SHANK2: variants seen among roughly 807,000 people sequenced by gnomAD.
SHANK2 encodes SH3 and multiple ankyrin repeat domains 2.
Under a neutral mutation model 133.7 loss-of-function variants are expected in SHANK2, and 43 were observed. That is an observed-to-expected ratio of 0.32 (90% CI 0.25 to 0.41). The LOEUF (loss-of-function observed/expected upper bound fraction) is 0.41. SHANK2 is among the 10% of genes least tolerant of loss of function. SHANK2 has a pLI of 1.00. For synonymous variants in SHANK2, 1,017 were observed against 952.8 expected (o/e 1.07, Z -1.24); for missense variants, 1,994 against 2,235.8 (o/e 0.89, Z 2.18).
At position 71,231,070 on chromosome 11, in the gene SHANK2, T is replaced by A. The variant is rs374926845; in HGVS notation, c.-112-6274A>T. Among the ~76,000 whole-genome samples the A allele has an allele frequency of 2.6e-4, 39 of 152,200 alleles. No individual in the cohort carries two copies. The South Asian group carries it at 7.9e-3, about 31-fold the overall frequency. ...ACATACAAAAATATTGACAAATAGG[T>A]TCTCATCCAAATTAAAAACTTTTGC... On this transcript the variant is annotated intron_variant, in intron 1 of 25. Coordinates refer to ENST00000601538, the MANE Select transcript of SHANK2 (RefSeq NM_012309.5).
chr11:70,553,293 A>T (rs1399979208), intron 17 of SHANK2, among the ~76,000 whole-genome samples: 1 of 151,978 alleles, frequency 6.6e-6, no homozygotes, highest in Admixed American at 6.6e-5. Context: ...GGGTTTCACC[A>T]TGTTGGTCAG....
intron 10 of SHANK2, among the ~76,000 whole-genome samples, chr11:70,949,946 G>A (rs114093010): frequency 4.6e-4 from 70 of 152,340 alleles, no homozygotes; most frequent in African/African-American, 1.6e-3. Context: ...GCTGGTGGCC[G>A]GGAGTCCAGG....
chr11:70,761,776 C>T (rs1431379915), intron 14 of SHANK2, among the ~76,000 whole-genome samples: 2 of 152,252 alleles, frequency 1.3e-5, no homozygotes, highest in African/African-American at 4.8e-5. Flanking sequence ...CGTTGAGTGG[C>T]AAGATCTTCA....
intron 1 of SHANK2, among the ~76,000 whole-genome samples, chr11:71,248,619 A>C (rs1954993798): frequency 6.6e-6 from 1 of 152,144 alleles, no homozygotes; most frequent in South Asian, 2.1e-4. Flanking sequence ...TGCCAATCAA[A>C]AGGAAAATGC....
intron 14 of SHANK2, among the ~76,000 whole-genome samples, chr11:70,709,265 G>A (rs1262092483): frequency 6.6e-6 from 1 of 152,232 alleles, no homozygotes; most frequent in African/African-American, 2.4e-5. Context: ...AATTCTGAAT[G>A]GGACAGTTCA....
chr11:70,815,916 G>T (rs782067211), intron 12 of SHANK2, among the ~76,000 whole-genome samples: 3 of 152,212 alleles, frequency 2.0e-5, no homozygotes, highest in African/African-American at 4.8e-5. Flanking sequence ...AGAGGGACAG[G>T]GGACCTGGCC....
chr11:70,724,189 C>T (rs1218682751), intron 14 of SHANK2, among the ~76,000 whole-genome samples: 1 of 152,038 alleles, frequency 6.6e-6, no homozygotes, highest in Non-Finnish European at 1.5e-5. Flanking sequence ...GTGCACACCA[C>T]CACTCCCAGC....
intron 10 of SHANK2, among the ~76,000 whole-genome samples, chr11:70,925,275 A>C (rs1382043553): frequency 2.6e-5 from 4 of 152,232 alleles, no homozygotes; most frequent in African/African-American, 9.7e-5. Flanking sequence ...ATACCCTGCT[A>C]TGTTGACTCT....
At chr11:71,154,628 C>T (rs191520250) in intron 2 of SHANK2, among the ~76,000 whole-genome samples, 1 of 152,202 alleles carries the variant, frequency 6.6e-6, no homozygotes, top group Non-Finnish European at 1.5e-5. Flanking sequence ...GACACACTGC[C>T]CCAAATACTG....
intron 10 of SHANK2, among the ~76,000 whole-genome samples, chr11:70,899,661 G>A (rs1949995851): frequency 6.6e-6 from 1 of 152,188 alleles, no homozygotes; most frequent in Non-Finnish European, 1.5e-5. Flanking sequence ...TTGGGAACTC[G>A]ACTTAGGTGA....
intron 10 of SHANK2, among the ~76,000 whole-genome samples, chr11:70,951,364 G>A (rs143804215): frequency 2.0e-5 from 2 of 98,274 alleles, no homozygotes; most frequent in African/African-American, 3.8e-5. Context: ...TTCCCCTGGC[G>A]GCTGGGTGGT....
chr11:70,575,083 A>T (rs1264614053), intron 17 of SHANK2, among the ~76,000 whole-genome samples: 1 of 152,090 alleles, frequency 6.6e-6, no homozygotes, highest in Non-Finnish European at 1.5e-5. Flanking sequence ...TCTGCGGTGC[A>T]TTCAAGCTGG....
intron 17 of SHANK2, among the ~76,000 whole-genome samples, chr11:70,647,047 T>C (rs1403423680): frequency 7.2e-5 from 11 of 151,872 alleles, no homozygotes; most frequent in African/African-American, 2.7e-4. Context: ...TTTTTTTTAG[T>C]AGAGATAGGG....
intron 17 of SHANK2, among the ~76,000 whole-genome samples, chr11:70,546,204 G>T (rs1554976393): frequency 6.7e-6 from 1 of 149,968 alleles, no homozygotes; most frequent in Non-Finnish European, 1.5e-5. Context: ...CTCCCAAAGT[G>T]CTGGAATCAC....
At chr11:70,794,120 A>C (rs1947855914) in intron 14 of SHANK2, among the ~76,000 whole-genome samples, 2 of 152,136 alleles carry the variant, frequency 1.3e-5, no homozygotes, top group East Asian at 3.9e-4. Context: ...CTCCTTACTA[A>C]AAATACAAAA....
chr11:70,625,689 T>A (rs2136483144), intron 17 of SHANK2, among the ~76,000 whole-genome samples: 1 of 151,616 alleles, frequency 6.6e-6, no homozygotes, highest in East Asian at 1.9e-4. Flanking sequence ...TCTGAGCCAG[T>A]CCCTGCACTC....
At chr11:70,756,480 T>A (rs1289662374) in intron 14 of SHANK2, among the ~76,000 whole-genome samples, 1 of 152,088 alleles carries the variant, frequency 6.6e-6, no homozygotes, top group Non-Finnish European at 1.5e-5. Context: ...GAGCACACCC[T>A]CTCCCAGAAC....
intron 15 of SHANK2, among the ~76,000 whole-genome samples, chr11:70,686,594 G>C (rs1241285603): frequency 6.6e-6 from 1 of 152,184 alleles, no homozygotes; most frequent in Admixed American, 6.5e-5. Flanking sequence ...CCAGATGCCA[G>C]GGAGAAGGAG....
At chr11:70,802,230 C>T (rs558684675) in intron 13 of SHANK2, among the ~76,000 whole-genome samples, 11 of 152,266 alleles carry the variant, frequency 7.2e-5, no homozygotes, top group African/African-American at 1.2e-4. Flanking sequence ...AAACCAACTG[C>T]GGATCTCTCT....
Sources: allele counts gnomAD v4.1 joint callset (sites outside exome capture counted in the v4.1 genomes callset), GRCh38; gene constraint gnomAD v4.1.1; transcripts MANE v1.5; gene names NCBI Gene and HGNC (gene_info 2026-07-23, HGNC 2026-07-21).